The following CNTNAP5 variants were observed in gnomAD, a reference collection of about 807,000 sequenced individuals.
The protein encoded by CNTNAP5 is contactin associated protein family member 5.
Under a neutral mutation model 150.2 loss-of-function variants are expected in CNTNAP5, and 72 were observed. The observed-to-expected ratio is 0.48, with a 90% CI of 0.40 to 0.58. CNTNAP5 has a LOEUF of 0.58. Among genes scored for constraint, CNTNAP5 ranks in the 20% least tolerant of loss-of-function variants. The pLI is 0.00. For missense variants in CNTNAP5, 1,636 were observed against 1,626.2 expected (o/e 1.01, Z -0.10); for synonymous variants, 672 against 619.8 (o/e 1.08, Z -1.25).
At chr2:124,357,498 G>A (rs1192757029) in intron 3 of CNTNAP5, among the ~76,000 whole-genome samples, 2 of 151,988 alleles carry the variant, frequency 1.3e-5, no homozygotes, top group Admixed American at 6.6e-5. Flanking sequence ...GTGTACGGAA[G>A]GGATCCAGTT....
intron 1 of CNTNAP5, among the ~76,000 whole-genome samples, chr2:124,096,967 G>A (rs1298643013): frequency 6.6e-6 from 1 of 152,050 alleles, no homozygotes; most frequent in Non-Finnish European, 1.5e-5. Flanking sequence ...GCCTCCCAAA[G>A]TGCTAGGATT....
chr2:124,792,715 A>G (rs1214312249), intron 18 of CNTNAP5, among the ~76,000 whole-genome samples: 1 of 152,192 alleles, frequency 6.6e-6, no homozygotes, highest in Non-Finnish European at 1.5e-5. Context: ...GGAAACCACT[A>G]ATCTACTTTC....
intron 13 of CNTNAP5, among the ~76,000 whole-genome samples, chr2:124,668,256 A>T (rs768319): frequency 0.24 from 36,924 of 152,098 alleles, 5,213 homozygotes; most frequent in Non-Finnish European, 0.32. Flanking sequence ...GGGCTTCTGC[A>T]GGGAGCAGGC....
intron 1 of CNTNAP5, among the ~76,000 whole-genome samples, chr2:124,181,990 A>G (rs1685220554): frequency 6.6e-6 from 1 of 152,220 alleles, no homozygotes; most frequent in Non-Finnish European, 1.5e-5. Flanking sequence ...AGGGAATGTC[A>G]TGATTCCAAA....
chr2:124,136,788 TC>T (rs1315279727), intron 1 of CNTNAP5, among the ~76,000 whole-genome samples: 20 of 152,198 alleles, frequency 1.3e-4, no homozygotes, highest in Admixed American at 6.5e-5. Context: ...GCAATGCACC[TC>T]TTTTCTGCAC....
At chr2:124,391,159 G>A (rs942128036) in intron 3 of CNTNAP5, among the ~76,000 whole-genome samples, 3 of 152,130 alleles carry the variant, frequency 2.0e-5, no homozygotes, top group Admixed American at 1.3e-4. Flanking sequence ...CACAGAGACT[G>A]TCTAGGAAAT....
intron 1 of CNTNAP5, among the ~76,000 whole-genome samples, chr2:124,139,265 C>CAA (rs759875748): frequency 2.6e-5 from 1 of 37,768 alleles, no homozygotes; most frequent in Non-Finnish European, 5.6e-5. Context: ...TCTACCCCAA[C>CAA]ACACACACAC....
intron 1 of CNTNAP5, among the ~76,000 whole-genome samples, chr2:124,131,200 C>T (rs1200555094): frequency 6.6e-6 from 1 of 152,066 alleles, no homozygotes; most frequent in Non-Finnish European, 1.5e-5. Context: ...GCTGATGGAG[C>T]CCCACTTTTC....
intron 1 of CNTNAP5, among the ~76,000 whole-genome samples, chr2:124,212,316 A>ATG (rs1240644240): frequency 6.6e-6 from 1 of 151,886 alleles, no homozygotes; most frequent in Admixed American, 6.6e-5. Context: ...CTTTGTAATG[A>ATG]TGTGTGTGTG....
chr2:124,622,627 C>T (rs574051513), intron 12 of CNTNAP5, among the ~76,000 whole-genome samples: 4 of 152,048 alleles, frequency 2.6e-5, no homozygotes, highest in Admixed American at 6.6e-5. Context: ...GTGTCATCAG[C>T]GTCTGTTGTT....
intron 1 of CNTNAP5, among the ~76,000 whole-genome samples, chr2:124,188,709 T>C (rs1685389596): frequency 1.1e-5 from 1 of 93,074 alleles, no homozygotes. Context: ...ACAGCGAGAC[T>C]CTGTCTCAAA....
At chr2:124,440,950 T>C (rs764432327) in intron 5 of CNTNAP5, among the ~76,000 whole-genome samples, 2 of 152,164 alleles carry the variant, frequency 1.3e-5, no homozygotes, top group Admixed American at 1.3e-4. Context: ...AAGAGTTTGA[T>C]AATTTCGTGA....
chr2:124,660,867 C>T (rs977282349), intron 13 of CNTNAP5, among the ~76,000 whole-genome samples: 2 of 150,810 alleles, frequency 1.3e-5, no homozygotes, highest in Admixed American at 1.3e-4. Context: ...TCACTTGAAC[C>T]CGGAAGGCAG....
intron 13 of CNTNAP5, among the ~76,000 whole-genome samples, chr2:124,734,439 A>C (rs1381645978): frequency 6.6e-6 from 1 of 152,122 alleles, no homozygotes; most frequent in Non-Finnish European, 1.5e-5. Flanking sequence ...TGATATTTTC[A>C]AATGATGGAA....
At chr2:124,682,167 C>A (rs1343231035) in intron 13 of CNTNAP5, among the ~76,000 whole-genome samples, 3 of 152,156 alleles carry the variant, frequency 2.0e-5, no homozygotes, top group Non-Finnish European at 4.4e-5. Flanking sequence ...CACATGAATG[C>A]AACCTTGAAG....
chr2:124,444,780 G>A (rs1011552949), intron 5 of CNTNAP5, among the ~76,000 whole-genome samples: 2 of 152,126 alleles, frequency 1.3e-5, no homozygotes, highest in African/African-American at 4.8e-5. Context: ...CCTGGGCCAC[G>A]CTTCCCTACA....
At chr2:124,610,742 C>T (rs190758786) in intron 12 of CNTNAP5, among the ~76,000 whole-genome samples, 3 of 152,280 alleles carry the variant, frequency 2.0e-5, no homozygotes, top group South Asian at 4.1e-4. Flanking sequence ...AGGCAGACCA[C>T]GAGGTCAGGA....
chr2:124,414,722 CGTGTGTGT>C (rs58485169), intron 3 of CNTNAP5, among the ~76,000 whole-genome samples: 4 of 149,642 alleles, frequency 2.7e-5, no homozygotes, highest in African/African-American at 7.4e-5. Context: ...TGTGTGTGTG[CGTGTGTGT>C]GTGTGTGTGT....
At chr2:124,162,411 A>G (rs1684703172) in intron 1 of CNTNAP5, among the ~76,000 whole-genome samples, 1 of 152,162 alleles carries the variant, frequency 6.6e-6, no homozygotes, top group Non-Finnish European at 1.5e-5. Context: ...AGGTTCAGTT[A>G]CTCATGTGAT....
Sources: allele counts gnomAD v4.1 joint callset (sites outside exome capture counted in the v4.1 genomes callset), GRCh38; gene constraint gnomAD v4.1.1; transcripts MANE v1.5; gene names NCBI Gene and HGNC (gene_info 2026-07-23, HGNC 2026-07-21).